Variants in CFAP45 observed in about 807,000 individuals in gnomAD.
CFAP45 encodes the protein cilia- and flagella-associated protein 45.
Under a neutral mutation model 75.6 loss-of-function variants are expected in CFAP45, and 43 were observed. The ratio of observed to expected loss-of-function variants is 0.57; its 90% CI spans 0.45 to 0.73. The LOEUF is 0.73. Among genes scored for constraint, CFAP45 ranks in the 30% least tolerant of loss-of-function variants. The pLI is 0.00. For synonymous variants in CFAP45, 223 were observed against 244.6 expected (o/e 0.91, Z 0.82); for missense variants, 689 against 701.5 (o/e 0.98, Z 0.20).
chr1:159,897,762 G>A (rs192080753), intron 1 of CFAP45, among the ~76,000 whole-genome samples: 37 of 151,004 alleles, frequency 2.5e-4, no homozygotes, highest in African/African-American at 8.8e-4. Context: ...CCAATTTTAT[G>A]ACCAGAAAAA....
intron 5 of CFAP45, among the ~76,000 whole-genome samples, chr1:159,887,588 A>G (rs1055055907): frequency 9.9e-5 from 15 of 152,214 alleles, no homozygotes; most frequent in Non-Finnish European, 1.8e-4. Context: ...AAGTAGTTTT[A>G]CCACCCTCAA....
At chr1:159,873,765 T>C (rs1347441164) in intron 10 of CFAP45, among the ~76,000 whole-genome samples, 1 of 152,158 alleles carries the variant, frequency 6.6e-6, no homozygotes, top group Non-Finnish European at 1.5e-5. Context: ...CTGGGAACTA[T>C]TGTTCCTACT....
Position 159,876,747 on chromosome 1 carries a change from A to G in CFAP45, c.1161T>C (p.Asp387=), listed in dbSNP as rs761017204. The change falls in exon 10 of 12, where the codon GAT becomes GAC. Residue 387 remains aspartate (D), a splice_region_variant and synonymous_variant. Coordinates refer to ENST00000368099, the MANE Select transcript of CFAP45 (RefSeq NM_012337.3). ...CCTGGTTGCGCTTGGCCCGCAAGGC[A>G]TCCTGGGAATGTTGGCAGGGGACCA... ...EKAQDYQAEQ[D]ALRAKRNQEV... 1.2e-6 allele frequency: 2 copies of G among 1,614,052 alleles called. No homozygotes were observed. The highest frequency in any genetic ancestry group is 2.7e-5 in the African/African-American group (2 of 74,916).
intron 5 of CFAP45, among the ~76,000 whole-genome samples, chr1:159,887,475 C>A (rs546838948): frequency 6.6e-6 from 1 of 152,230 alleles, no homozygotes; most frequent in African/African-American, 2.4e-5. Flanking sequence ...ACTGAACTAA[C>A]AGGATGAAAA....
intron 8 of CFAP45, among the ~76,000 whole-genome samples, chr1:159,878,753 T>TAAAAAAAAAAAAACAAAAA (rs1649469918): frequency 2.5e-4 from 8 of 32,486 alleles, no homozygotes; most frequent in Non-Finnish European, 4.6e-4. Flanking sequence ...AGACTACATC[T>TAAAAAAAAAAAAACAAAAA]AAAAAAAAAA....
chr1:159,876,763 CA>C lies in CFAP45; in HGVS notation c.1159-15del, dbSNP rs765611627. On this transcript the variant is annotated splice_polypyrimidine_tract_variant and intron_variant, in intron 9 of 11. Coordinates refer to ENST00000368099, the MANE Select transcript of CFAP45 (RefSeq NM_012337.3). ...CCGCAAGGCATCCTGGGAATGTTGG[CA>C]GGGGACCAGTGAGGGCACAAAATAG... 79 of 1,614,042 alleles carry C rather than the reference CA, an allele frequency of 4.9e-5. No individual in the cohort carries two copies. In the African/African-American group the frequency reaches 9.1e-4, roughly 19 times the overall value.
chr1:159,886,459 A>G, intron 6 of CFAP45, 52 bp downstream of exon 6: 2 of 1,490,936 alleles, frequency 1.3e-6, no homozygotes, highest in Non-Finnish European at 1.9e-6. Context: ...ACATGGACCT[A>G]AAGATACATG....
chr1:159,878,126 C>A (rs1649447373), intron 8 of CFAP45, among the ~76,000 whole-genome samples: 1 of 152,150 alleles, frequency 6.6e-6, no homozygotes, highest in Admixed American at 6.5e-5. Flanking sequence ...CACAGGTACC[C>A]TGACCCTGGC....
chr1:159,880,605 A>C lies in CFAP45; in HGVS notation c.993T>G (p.Ala331=), dbSNP rs766913423. 1 of 1,613,770 alleles carries C rather than the reference A, an allele frequency of 6.2e-7. No individual in the cohort carries two copies. Among genetic ancestry groups the C allele is most frequent in the Admixed American group, 1.7e-5 (1 of 59,986 alleles). The part of the protein sequence containing the change: ...ENQKQKAELL[A]QEKLADQMVM... ...CCATCTGGTCTGCCAGCTTCTCCTG[A>C]GCCAGCAGTTCTGCTTTCTGTTTCT... Residue 331 remains alanine, a synonymous_variant, in exon 8 of 12, where the codon GCT becomes GCG. Coordinates refer to ENST00000368099, the MANE Select transcript of CFAP45 (RefSeq NM_012337.3).
chr1:159,886,360 G>T, intron 6 of CFAP45, 151 bp downstream of exon 6: 1 of 682,864 alleles, frequency 1.5e-6, no homozygotes, highest in South Asian at 1.9e-5. Context: ...AAAAAGTTCT[G>T]TGATTCTATG....
chr1:159,878,782 A>AAAAAAAAAAAAAAAAC, intron 8 of CFAP45, among the ~76,000 whole-genome samples: 2 of 141,392 alleles, frequency 1.4e-5, no homozygotes, highest in Non-Finnish European at 3.1e-5. Flanking sequence ...AAAAAAAAAA[A>AAAAAAAAAAAAAAAAC]CCTTCCTTGC....
At chr1:159,892,512 G>A (rs1649852832) in intron 2 of CFAP45, among the ~76,000 whole-genome samples, 1 of 152,096 alleles carries the variant, frequency 6.6e-6, no homozygotes, top group South Asian at 2.1e-4. Flanking sequence ...GTCACTACTA[G>A]TGTCTCTCTT....
intron 3 of CFAP45, 25 bp from the exon 4 acceptor site, chr1:159,888,521 G>T: frequency 6.2e-7 from 1 of 1,610,638 alleles, no homozygotes; most frequent in South Asian, 1.1e-5. Context: ...AACAGAGTTA[G>T]GGAGGGGAGA....
At chr1:159,886,443 T>C in intron 6 of CFAP45, 68 bp downstream of exon 6, 1 of 1,338,152 alleles carries the variant, frequency 7.5e-7, no homozygotes, top group Non-Finnish European at 1.1e-6. Context: ...CCCTCTTTGC[T>C]AGGCTACATG....
In CFAP45 at chr1:159,880,704, C is replaced by A; in HGVS notation, c.898-4G>T. On this transcript the variant is annotated splice_region_variant and splice_polypyrimidine_tract_variant and intron_variant, in intron 7 of 11. Transcript: ENST00000368099. ...GTTGCTGCCTTCGTTCCATGTCCTGCCAGCAAAAGAAAGAGAGCCTCAGAG... is the reference window on the plus strand; with the variant it reads ...GTTGCTGCCTTCGTTCCATGTCCTGACAGCAAAAGAAAGAGAGCCTCAGAG... The A allele has an allele frequency of 1.2e-6, 2 of 1,613,334 alleles. No individual in the cohort carries two copies. The highest frequency in any genetic ancestry group is 1.7e-6 in the Non-Finnish European group (2 of 1,179,666).
At chr1:159,882,144 G>A (rs924153106) in intron 7 of CFAP45, among the ~76,000 whole-genome samples, 4 of 152,268 alleles carry the variant, frequency 2.6e-5, no homozygotes, top group East Asian at 1.9e-4. Flanking sequence ...CATGTGGTGC[G>A]TGAGTCACAG....
At chr1:159,883,763 G>A (rs1398376717) in intron 7 of CFAP45, among the ~76,000 whole-genome samples, 3 of 151,750 alleles carry the variant, frequency 2.0e-5, no homozygotes, top group Non-Finnish European at 4.4e-5. Context: ...TTCTGTGTGT[G>A]CAAAATTTTT....
intron 10 of CFAP45, among the ~76,000 whole-genome samples, chr1:159,874,875 G>A (rs1480031544): frequency 6.6e-6 from 1 of 152,228 alleles, no homozygotes; most frequent in Admixed American, 6.5e-5. Flanking sequence ...GGTAGAGGAA[G>A]ACAGCTATCT....
At chr1:159,876,854 A>T in intron 9 of CFAP45, 105 bp from the exon 10 acceptor site, 2 of 1,073,944 alleles carry the variant, frequency 1.9e-6, no homozygotes, top group South Asian at 2.6e-5. Flanking sequence ...GTCTGCTTTG[A>T]AAAGCATCAT....
Sources: allele counts gnomAD v4.1 joint callset (sites outside exome capture counted in the v4.1 genomes callset), GRCh38; gene constraint gnomAD v4.1.1; transcripts MANE v1.5; gene names NCBI Gene and HGNC (gene_info 2026-07-23, HGNC 2026-07-21).